Variants in DPEP1 observed in about 807,000 individuals in gnomAD.
DPEP1 encodes beta-lactamase.
DPEP1 carries 50 observed loss-of-function variants against 42.3 expected under a neutral mutation model. The observed-to-expected ratio is 1.18, with a 90% CI of 0.94 to 1.50. DPEP1 has a LOEUF of 1.50. Among genes scored for constraint, DPEP1 ranks in the 40% most tolerant of loss-of-function variants. The pLI, the probability that DPEP1 is intolerant of heterozygous loss-of-function variation, is 0.00. For missense variants in DPEP1, 663 were observed against 553.0 expected (o/e 1.20, Z -1.99); for synonymous variants, 297 against 234.0 (o/e 1.27, Z -2.46).
At chr16:89,618,069 A>G (rs1461073847) in intron 1 of DPEP1, among the ~76,000 whole-genome samples, 2 of 152,196 alleles carry the variant, frequency 1.3e-5, no homozygotes, top group Admixed American at 6.5e-5. Context: ...TTCTAAGTCA[A>G]GAAAAATTAA....
chr16:89,616,443 G>T (rs1007461523), intron 1 of DPEP1, among the ~76,000 whole-genome samples: 3 of 152,160 alleles, frequency 2.0e-5, no homozygotes, highest in African/African-American at 7.2e-5. Context: ...TGCCGGGAGG[G>T]GTCCTTGGAT....
In DPEP1 at chr16:89,637,339, G is replaced by A. The variant is rs781743635; in HGVS notation, c.727G>A (p.Ala243Thr). 3.8e-5 allele frequency: 62 copies of A among 1,612,122 alleles called. No homozygotes were observed. Among genetic ancestry groups the A allele is most frequent in the African/African-American group, 2.5e-4 (19 of 74,934 alleles). ...FSHSSAYSVC[A>T]SRRNVPDDVL... is the part of the protein sequence containing the mutation. ...CCACTCCTCGGCCTACAGCGTGTGC[G>A]CAAGCCGGCGCAACGTGCCTGACGA... The change falls in exon 7 of 11, where the codon GCA (alanine) becomes ACA (threonine). Residue 243 changes from alanine (A) to threonine (T), a missense_variant. Ala to Thr is a moderately conservative substitution (Grantham distance 58). Coordinates refer to ENST00000690203, the MANE Select transcript of DPEP1 (RefSeq NM_001389466.1).
In DPEP1 at chr16:89,637,184, A is replaced by T; in HGVS notation, c.592-20A>T. 6.2e-7 allele frequency: 1 copy of T among 1,607,478 alleles called. No homozygotes were observed. Among genetic ancestry groups the T allele is most frequent in the Non-Finnish European group, 8.5e-7 (1 of 1,176,680 alleles). ...CCGACCCTGGGGGCTGTGAGGGTGG[A>T]CGGAGCCCTGTCTTCCCAGCGTGTG... On this transcript the variant is annotated intron_variant, in intron 6 of 10. Transcript: ENST00000690203.
At chr16:89,615,258 C>T (rs1432936911) in intron 1 of DPEP1, among the ~76,000 whole-genome samples, 2 of 152,202 alleles carry the variant, frequency 1.3e-5, no homozygotes, top group African/African-American at 4.8e-5. Context: ...GGACACTGAG[C>T]CCCAAAGCGG....
intron 1 of DPEP1, among the ~76,000 whole-genome samples, chr16:89,625,179 T>C (rs558039965): frequency 2.5e-4 from 38 of 152,026 alleles, no homozygotes; most frequent in Non-Finnish European, 4.7e-4. Flanking sequence ...TGGTGTTTTC[T>C]CTTTTAGGAA....
chr16:89,626,404 G>A (rs1597753029), intron 1 of DPEP1: 1 of 152,240 alleles, frequency 6.6e-6, no homozygotes, highest in African/African-American at 2.4e-5. Context: ...TGGCTGGAGT[G>A]CAGTGGCACA....
At chr16:89,625,424 C>T (rs1243032847) in intron 1 of DPEP1, among the ~76,000 whole-genome samples, 1 of 152,192 alleles carries the variant, frequency 6.6e-6, no homozygotes, top group Non-Finnish European at 1.5e-5. Context: ...GATGAGGGGC[C>T]CGTCCCCATG....
chr16:89,636,391 G>C lies in DPEP1; in HGVS notation c.365G>C (p.Ser122Thr). The change falls in exon 4 of 11, where the codon AGT (serine) becomes ACT (threonine). Residue 122 changes from serine (S) to threonine (T), a missense_variant. By Grantham distance (58) the Ser-to-Thr change is moderately conservative (BLOSUM62 1). Coordinates refer to ENST00000690203, the MANE Select transcript of DPEP1 (RefSeq NM_001389466.1). ...YPETFLYVTS[S>T]AGIRQAFREG... ...GAGACCTTCCTGTATGTCACCAGCA[G>C]TGCAGGTGGGGTCCTGACCTGGGTC... The C allele has an allele frequency of 6.2e-7, 1 of 1,611,546 alleles. No homozygotes were observed. The highest frequency in any genetic ancestry group is 8.5e-7 in the Non-Finnish European group (1 of 1,179,276).
At chr16:89,632,273 G>A (rs1414793116) in intron 2 of DPEP1, among the ~76,000 whole-genome samples, 1 of 152,030 alleles carries the variant, frequency 6.6e-6, no homozygotes, top group African/African-American at 2.4e-5. Context: ...GGCTGGTCTC[G>A]AACTCCTGAC....
intron 3 of DPEP1, 45 bp downstream of exon 3, chr16:89,636,085 C>T (rs547668035): frequency 8.3e-6 from 13 of 1,575,352 alleles, no homozygotes; most frequent in East Asian, 2.3e-5. Flanking sequence ...GGGGTCATCC[C>T]GTCTCCTACC....
chr16:89,635,689 C>T (rs561502408), intron 2 of DPEP1, among the ~76,000 whole-genome samples: 5 of 152,310 alleles, frequency 3.3e-5, no homozygotes, highest in African/African-American at 9.6e-5. Flanking sequence ...GCTCCTGGCT[C>T]GGGGTTCCCT....
downstream of DPEP1, among the ~76,000 whole-genome samples, chr16:89,641,199 G>A (rs2059740044): frequency 7.1e-6 from 1 of 141,638 alleles, no homozygotes; most frequent in South Asian, 2.4e-4. Flanking sequence ...ACAGGGAGAC[G>A]GTTAGGCCTC....
At chr16:89,625,946 C>G (rs1442036840) in intron 1 of DPEP1, among the ~76,000 whole-genome samples, 3 of 152,206 alleles carry the variant, frequency 2.0e-5, no homozygotes, top group African/African-American at 7.2e-5. Flanking sequence ...TGCCCAACCC[C>G]CAGGACGCCC....
At chr16:89,617,916 C>G (rs554060269) in intron 1 of DPEP1, among the ~76,000 whole-genome samples, 1 of 152,046 alleles carries the variant, frequency 6.6e-6, no homozygotes, top group African/African-American at 2.4e-5. Flanking sequence ...CCCAGCTACT[C>G]GGGAGGCTGA....
chr16:89,630,292 C>T lies in DPEP1; in HGVS notation c.-106-13C>T. On this transcript the variant is annotated splice_polypyrimidine_tract_variant and intron_variant, in intron 1 of 10. Transcript: ENST00000690203. ...ATCACTTCCACCCACACCTCTGGTGCCTCTCCTGGCAGGCAGAGTGGCTCC... is the reference window on the plus strand; with the variant it reads ...ATCACTTCCACCCACACCTCTGGTGTCTCTCCTGGCAGGCAGAGTGGCTCC... 1 of 705,320 alleles carries T rather than the reference C, an allele frequency of 1.4e-6. No homozygotes were observed. Among genetic ancestry groups the T allele is most frequent in the Admixed American group, 2.6e-5 (1 of 38,010 alleles). 43.7% of individuals were successfully genotyped at this position (705,320 alleles called of 1,614,324 possible). A position where few individuals can be genotyped will look rare whatever the true frequency, so the allele number is the denominator to read the frequency against.
chr16:89,638,867 ACCCCACCCCTGCACACACACACACC>A (rs2059719516), downstream of DPEP1, among the ~76,000 whole-genome samples: 1 of 20,766 alleles, frequency 4.8e-5, no homozygotes, highest in Non-Finnish European at 8.4e-5. Flanking sequence ...ACACACACAC[ACCCCACCCCTGCACACACACACACC>A]CCACCCCTGC....
intron 1 of DPEP1, among the ~76,000 whole-genome samples, chr16:89,628,808 A>G (rs956648372): frequency 6.6e-6 from 1 of 150,444 alleles, no homozygotes; most frequent in African/African-American, 2.4e-5. Flanking sequence ...TTTGTGGGGG[A>G]GGGGGGGCGG....
At chr16:89,639,909 C>T (rs1256064160), downstream of DPEP1, among the ~76,000 whole-genome samples, 1 of 125,596 alleles carries the variant, frequency 8.0e-6, no homozygotes. Context: ...ACCCCGACCT[C>T]AGGTGATCCG....
At position 89,635,892 on chromosome 16, in the gene DPEP1, C is replaced by T; in HGVS notation, c.105-16C>T. 6.3e-7 allele frequency: 1 copy of T among 1,582,456 alleles called. No homozygotes were observed. The highest frequency in any genetic ancestry group is 8.6e-7 in the Non-Finnish European group (1 of 1,163,860). On this transcript the variant is annotated splice_polypyrimidine_tract_variant and intron_variant, in intron 2 of 10. Transcript: ENST00000690203. ...TGGCCGCCCTGACTGCCTGGCCTCTCCCCGGCAAACTCCAGGCACAATGAC... is the reference window on the plus strand; with the variant it reads ...TGGCCGCCCTGACTGCCTGGCCTCTTCCCGGCAAACTCCAGGCACAATGAC...
Sources: gnomAD v4.1 joint callset for allele counts (sites outside exome capture counted in the v4.1 genomes callset) on GRCh38, gnomAD v4.1.1 for gene constraint, MANE v1.5 for transcripts, NCBI Gene and HGNC (gene_info 2026-07-23, HGNC 2026-07-21) for gene names.